Variants in SEMA3A observed in about 807,000 individuals in gnomAD.
SEMA3A encodes the protein semaphorin-3A.
SEMA3A carries 29 observed loss-of-function variants against 97.9 expected under a neutral mutation model. The ratio of observed to expected loss-of-function variants is 0.30; its 90% CI spans 0.22 to 0.40. The LOEUF (loss-of-function observed/expected upper bound fraction) is 0.40, where lower values mean the gene tolerates loss of function less well. Among genes scored for constraint, SEMA3A ranks in the 10% least tolerant of loss-of-function variants. The pLI is 1.00. For missense variants in SEMA3A, 763 were observed against 951.3 expected, an observed-to-expected ratio of 0.80 and a Z score of 2.60; for synonymous variants, 321 against 323.7, an observed-to-expected ratio of 0.99 and a Z score of 0.09.
intron 3 of SEMA3A, among the ~76,000 whole-genome samples, chr7:84,239,356 G>T (rs896256186): frequency 1.3e-5 from 2 of 152,022 alleles, no homozygotes; most frequent in African/African-American, 4.8e-5. Flanking sequence ...TTAATATTTT[G>T]CCCATGGGCA....
intron 7 of SEMA3A, among the ~76,000 whole-genome samples, chr7:84,013,858 A>G (rs2116420059): frequency 6.6e-6 from 1 of 152,268 alleles, no homozygotes; most frequent in African/African-American, 2.4e-5. Flanking sequence ...AAACAAAACC[A>G]AAACTTAAAA....
intron 1 of SEMA3A, among the ~76,000 whole-genome samples, chr7:84,448,471 T>C (rs1006174930): frequency 6.6e-6 from 1 of 152,136 alleles, no homozygotes; most frequent in Non-Finnish European, 1.5e-5. Context: ...GACAACACTT[T>C]AAAAATTACT....
chr7:84,220,008 G>T (rs2116334796), intron 3 of SEMA3A, among the ~76,000 whole-genome samples: 1 of 152,202 alleles, frequency 6.6e-6, no homozygotes, highest in African/African-American at 2.4e-5. Flanking sequence ...TCCCTTTCAT[G>T]AATAATTTCT....
intron 1 of SEMA3A, among the ~76,000 whole-genome samples, chr7:84,428,482 T>C (rs1804884415): frequency 1.3e-5 from 2 of 152,070 alleles, no homozygotes; most frequent in Non-Finnish European, 2.9e-5. Flanking sequence ...TTAAAAAACA[T>C]TGGTACTACA....
chr7:84,009,971 T>G, intron 9 of SEMA3A, among the ~76,000 whole-genome samples: 1 of 152,078 alleles, frequency 6.6e-6, no homozygotes. Context: ...TGTTTGTTTT[T>G]ATTATGTGCT....
At chr7:84,455,772 G>T (rs913356789) in intron 1 of SEMA3A, among the ~76,000 whole-genome samples, 3 of 151,864 alleles carry the variant, frequency 2.0e-5, no homozygotes, top group Admixed American at 6.6e-5. Context: ...AGTTACAAAT[G>T]TTTCCAAATT....
At chr7:84,439,232 T>G (rs866148908) in intron 1 of SEMA3A, among the ~76,000 whole-genome samples, 3 of 152,012 alleles carry the variant, frequency 2.0e-5, no homozygotes, top group Non-Finnish European at 2.9e-5. Context: ...GGTAAGAATT[T>G]AGAGAGGGAG....
chr7:83,992,310 CTA>C (rs1789988695), intron 12 of SEMA3A, among the ~76,000 whole-genome samples: 1 of 145,910 alleles, frequency 6.9e-6, no homozygotes, highest in Non-Finnish European at 1.5e-5. Context: ...TTTTGTGTCT[CTA>C]TTTCCTTCAG....
intron 3 of SEMA3A, among the ~76,000 whole-genome samples, chr7:84,301,493 A>AT (rs1466378716): frequency 3.9e-5 from 6 of 152,168 alleles, no homozygotes; most frequent in African/African-American, 1.4e-4. Flanking sequence ...AATATGCTCA[A>AT]TATCATCAGT....
chr7:84,420,255 T>C (rs1459784055), intron 1 of SEMA3A, among the ~76,000 whole-genome samples: 1 of 151,070 alleles, frequency 6.6e-6, no homozygotes, highest in Admixed American at 6.6e-5. Context: ...TATAAATAGT[T>C]TAAATAAACA....
chr7:84,080,279 C>T (rs920621664), intron 4 of SEMA3A, among the ~76,000 whole-genome samples: 2 of 150,478 alleles, frequency 1.3e-5, no homozygotes, highest in Non-Finnish European at 3.0e-5. Context: ...GTGCAGCACA[C>T]CAACATGGCA....
At chr7:84,222,357 C>CA (rs1186706179) in intron 3 of SEMA3A, among the ~76,000 whole-genome samples, 1 of 151,752 alleles carries the variant, frequency 6.6e-6, no homozygotes, top group East Asian at 1.9e-4. Flanking sequence ...TACCTAGATG[C>CA]AAGACAGGTT....
intron 1 of SEMA3A, among the ~76,000 whole-genome samples, chr7:84,481,051 CT>C (rs1806430457): frequency 6.6e-6 from 1 of 152,086 alleles, no homozygotes; most frequent in African/African-American, 2.4e-5. Flanking sequence ...AGAAGTTACC[CT>C]GATTTTGGAA....
Position 84,063,645 on chromosome 7 carries a change from G to A in SEMA3A, c.454-3087C>T, listed in dbSNP as rs1033556293. Among the ~76,000 whole-genome samples, 41 of 151,620 alleles carry A rather than the reference G, an allele frequency of 2.7e-4. 1 individual carries two copies. Among genetic ancestry groups the A allele is most frequent in the African/African-American group, 6.1e-4 (25 of 41,294 alleles). On this transcript the variant is annotated intron_variant, in intron 4 of 16. Transcript: ENST00000265362. Reference sequence around the variant, plus strand: ...ATGCAGAAGCCTCAGGAGACGATGCGATCAACTGGAAGAAAGGGTATCAGC... The same window carrying A: ...ATGCAGAAGCCTCAGGAGACGATGCAATCAACTGGAAGAAAGGGTATCAGC...
intron 1 of SEMA3A, among the ~76,000 whole-genome samples, chr7:84,488,456 CT>C: frequency 6.6e-6 from 1 of 151,856 alleles, no homozygotes; most frequent in Non-Finnish European, 1.5e-5. Flanking sequence ...GCCTTAAAGT[CT>C]TTGAAAGTGG....
At chr7:84,355,446 A>G (rs1802534634) in intron 2 of SEMA3A, among the ~76,000 whole-genome samples, 1 of 151,888 alleles carries the variant, frequency 6.6e-6, no homozygotes, top group African/African-American at 2.4e-5. Context: ...GAAATACACA[A>G]ACACATAATT....
At chr7:84,093,423 A>C (rs952511541) in intron 4 of SEMA3A, among the ~76,000 whole-genome samples, 3 of 152,204 alleles carry the variant, frequency 2.0e-5, no homozygotes, top group African/African-American at 7.2e-5. Flanking sequence ...CTTGTTCTGA[A>C]GAAGTAATGC....
chr7:84,134,589 G>A (rs1029637218), intron 2 of SEMA3A, among the ~76,000 whole-genome samples: 2 of 152,118 alleles, frequency 1.3e-5, no homozygotes, highest in African/African-American at 4.8e-5. Flanking sequence ...AATGATTACT[G>A]CAAATACTGT....
At chr7:84,030,644 T>C (rs1412336866) in intron 6 of SEMA3A, among the ~76,000 whole-genome samples, 1 of 150,736 alleles carries the variant, frequency 6.6e-6, no homozygotes, top group Non-Finnish European at 1.5e-5. Flanking sequence ...TTAAGATGCA[T>C]CTCATATACA....
Sources: gnomAD v4.1 joint callset for allele counts (sites outside exome capture counted in the v4.1 genomes callset) on GRCh38, gnomAD v4.1.1 for gene constraint, MANE v1.5 for transcripts, NCBI Gene and HGNC (gene_info 2026-07-23, HGNC 2026-07-21) for gene names.